Variants in PIWIL4 observed in about 807,000 individuals in gnomAD.
The protein encoded by PIWIL4 is piwi like RNA-mediated gene silencing 4, also known as piwi-like protein 4.
In PIWIL4, 50 loss-of-function variants were observed where a neutral mutation model predicts 100.9. The observed-to-expected ratio is 0.50, with a 90% CI of 0.39 to 0.63. The LOEUF is 0.63. Among genes scored for constraint, PIWIL4 ranks in the 20% least tolerant of loss-of-function variants. PIWIL4 has a pLI of 0.00. For synonymous variants in PIWIL4, 342 were observed against 367.5 expected (o/e 0.93, Z 0.79); for missense variants, 887 against 1,043.3 (o/e 0.85, Z 2.06).
chr11:94,568,528 G>A (rs1304133823), intron 1 of PIWIL4, among the ~76,000 whole-genome samples: 1 of 152,164 alleles, frequency 6.6e-6, no homozygotes, highest in Non-Finnish European at 1.5e-5. Context: ...ATCAAAGTTT[G>A]ATGAGTGAGG....
chr11:94,612,237 C>A (rs949785873), intron 15 of PIWIL4, among the ~76,000 whole-genome samples: 3 of 151,202 alleles, frequency 2.0e-5, no homozygotes, highest in African/African-American at 7.3e-5. Context: ...CTATTAGGTG[C>A]ATACATACGT....
chr11:94,600,982 T>C (rs1948630022), intron 11 of PIWIL4, among the ~76,000 whole-genome samples: 1 of 151,748 alleles, frequency 6.6e-6, no homozygotes, highest in South Asian at 2.1e-4. Flanking sequence ...TTTTTCAAGG[T>C]GCCCAGATTT....
chr11:94,575,856 G>A (rs1948229189), intron 3 of PIWIL4, among the ~76,000 whole-genome samples: 1 of 152,262 alleles, frequency 6.6e-6, no homozygotes, highest in Admixed American at 6.5e-5. Context: ...ATCTTGAAGG[G>A]TCTTTCCGGC....
In PIWIL4 at chr11:94,572,933, C is replaced by A. The variant is rs1348833436; in HGVS notation, c.167-2066C>A. Among the ~76,000 whole-genome samples, 3 of 152,300 alleles carry A rather than the reference C, an allele frequency of 2.0e-5. No homozygotes were observed. In the East Asian group the frequency reaches 5.8e-4, roughly 29 times the overall value. ...TTCCTATCCATGAGCGTGGAATGTT[C>A]TTCCATCTGTTTGTATCCTCTTTTA... is the stretch of plus-strand genomic sequence containing the variant. On this transcript the variant is annotated intron_variant, in intron 2 of 19. Coordinates refer to ENST00000299001, the MANE Select transcript of PIWIL4 (RefSeq NM_152431.3).
intron 8 of PIWIL4, among the ~76,000 whole-genome samples, chr11:94,591,461 G>C (rs1206548325): frequency 6.6e-6 from 1 of 152,196 alleles, no homozygotes; most frequent in African/African-American, 2.4e-5. Context: ...CGTATTCCTT[G>C]GAGAGCAAGG....
Position 94,615,377 on chromosome 11 carries a change from A to C in PIWIL4, c.1944-1116A>C, listed in dbSNP as rs564692815. Among the ~76,000 whole-genome samples, 154 of 152,292 alleles carry C rather than the reference A, an allele frequency of 1.0e-3. 2 individuals carry two copies. Among genetic ancestry groups the C allele is most frequent in the African/African-American group, 3.5e-3 (145 of 41,574 alleles). ...TCCGTAGGGGAGGAGCAATGCAGGT[A>C]AAGTGAATCTCTTTGTGTTACCCTC... On this transcript the variant is annotated intron_variant, in intron 15 of 19. Transcript: ENST00000299001.
chr11:94,600,441 A>G (rs976560348), intron 11 of PIWIL4, among the ~76,000 whole-genome samples: 1 of 152,170 alleles, frequency 6.6e-6, no homozygotes, highest in African/African-American at 2.4e-5. Context: ...AAAACCAGCA[A>G]GTTTTTATTA....
intron 2 of PIWIL4, among the ~76,000 whole-genome samples, chr11:94,570,315 G>A (rs886156586): frequency 6.6e-6 from 1 of 151,946 alleles, no homozygotes; most frequent in African/African-American, 2.4e-5. Context: ...GAGATAAGGT[G>A]GGGACAGGGC....
intron 15 of PIWIL4, among the ~76,000 whole-genome samples, chr11:94,616,005 C>T (rs565638423): frequency 1.9e-4 from 29 of 152,162 alleles, no homozygotes; most frequent in Non-Finnish European, 3.2e-4. Flanking sequence ...CTTCAGAAAT[C>T]TTTGAATATT....
chr11:94,616,167 C>T (rs1448506212), intron 15 of PIWIL4, among the ~76,000 whole-genome samples: 20 of 152,150 alleles, frequency 1.3e-4, no homozygotes, highest in Admixed American at 1.3e-3. Flanking sequence ...GAGGTAGTAA[C>T]TAATCTACTT....
In PIWIL4 at chr11:94,567,703, A is replaced by G. The variant is rs1039445786; in HGVS notation, c.87+98A>G. 3 of 1,349,142 alleles carry G rather than the reference A, an allele frequency of 2.2e-6. No individual in the cohort carries two copies. In the Admixed American group the frequency reaches 8.7e-5, roughly 39 times the overall value. 83.6% of individuals were successfully genotyped at this position (1,349,142 alleles called of 1,614,324 possible). ...CTGCATGTATCTCCTCCTCTCTGTT[A>G]CGAAGTAGTGCGTTATCTTTTCTCT... On this transcript the variant is annotated intron_variant, in intron 1 of 19. Transcript: ENST00000299001.
intron 4 of PIWIL4, among the ~76,000 whole-genome samples, chr11:94,580,810 C>T (rs979406454): frequency 6.6e-6 from 1 of 151,596 alleles, no homozygotes; most frequent in Non-Finnish European, 1.5e-5. Context: ...TACTTTGTGT[C>T]CCACAAGTAG....
At position 94,610,085 on chromosome 11, in the gene PIWIL4, T is replaced by C. The variant is rs12294833; in HGVS notation, c.1943+1399T>C. 2.3e-3 allele frequency among the ~76,000 whole-genome samples: 346 copies of C among 152,322 alleles called. 1 individual carries two copies. Among genetic ancestry groups the C allele is most frequent in the African/African-American group, 7.3e-3 (302 of 41,580 alleles). Reference sequence around the variant, plus strand: ...ATCTTCTACTCTCTGTTTCTATGAGTTTGACATTCTTAGATACCACATATA... The same window carrying C: ...ATCTTCTACTCTCTGTTTCTATGAGCTTGACATTCTTAGATACCACATATA... On this transcript the variant is annotated intron_variant, in intron 15 of 19. Transcript: ENST00000299001.
At position 94,620,107 on chromosome 11, in the gene PIWIL4, T is replaced by C. The variant is rs1948890176; in HGVS notation, c.2405T>C (p.Leu802Pro). 1.2e-6 allele frequency: 2 copies of C among 1,610,530 alleles called. No homozygotes were observed. Among genetic ancestry groups the C allele is most frequent in the Non-Finnish European group, 1.7e-6 (2 of 1,178,320 alleles). The change falls in exon 19 of 20, where the codon CTT becomes CCT. Residue 802 changes from leucine to proline, a missense_variant. By Grantham distance (98) the Leu-to-Pro change is moderately conservative. Transcript: ENST00000299001. ...NGLKPDHMQR[L>P]TFKLCHLYYN... ...TTGAAGCCCGACCATATGCAGAGAC[T>C]TACATTCAAATTGTGCCACCTGTAC...
At chr11:94,608,469 CTTAACT>C (rs1188797103) in intron 14 of PIWIL4, 108 bp from the exon 15 acceptor site, 26 of 850,978 alleles carry the variant, frequency 3.1e-5, no homozygotes, top group Non-Finnish European at 4.6e-5. Flanking sequence ...TTACACATAG[CTTAACT>C]TTAAGAATTC....
chr11:94,583,042 ATATGTGTGTGTGTGTG>A (rs1948346411), intron 4 of PIWIL4, among the ~76,000 whole-genome samples: 1 of 140,308 alleles, frequency 7.1e-6, no homozygotes, highest in Non-Finnish European at 1.6e-5. Context: ...GTATATATAT[ATATGTGTGTGTGTGTG>A]TGTGTGTGTG....
intron 4 of PIWIL4, among the ~76,000 whole-genome samples, chr11:94,583,042 ATATGTGTGTGTG>A (rs1948346307): frequency 7.1e-6 from 1 of 140,312 alleles, no homozygotes; most frequent in African/African-American, 2.6e-5. Context: ...GTATATATAT[ATATGTGTGTGTG>A]TGTGTGTGTG....
intron 2 of PIWIL4, among the ~76,000 whole-genome samples, chr11:94,570,326 T>C (rs1160056337): frequency 1.3e-5 from 2 of 152,140 alleles, no homozygotes; most frequent in Non-Finnish European, 2.9e-5. Context: ...GGGACAGGGC[T>C]GGTTTCTTCT....
intron 15 of PIWIL4, among the ~76,000 whole-genome samples, chr11:94,609,322 A>G (rs1482498941): frequency 6.6e-6 from 1 of 152,226 alleles, no homozygotes; most frequent in Non-Finnish European, 1.5e-5. Flanking sequence ...AAAATCAGGG[A>G]TAATGCCTTA....
Sources: gnomAD v4.1 joint callset for allele counts (sites outside exome capture counted in the v4.1 genomes callset) on GRCh38, gnomAD v4.1.1 for gene constraint, MANE v1.5 for transcripts, NCBI Gene and HGNC (gene_info 2026-07-23, HGNC 2026-07-21) for gene names.